The following CCDC102B variants were observed in gnomAD, a reference collection of about 807,000 sequenced individuals.
CCDC102B encodes the protein coiled-coil domain-containing protein 102B.
In CCDC102B, 75 loss-of-function variants were observed where a neutral mutation model predicts 57.4. The observed-to-expected ratio is 1.31, with a 90% CI of 1.08 to 1.58. The LOEUF (loss-of-function observed/expected upper bound fraction) is 1.58. Ranked by LOEUF, CCDC102B falls within the 40% of genes most tolerant of loss-of-function variation. The pLI, the probability that CCDC102B is intolerant of heterozygous loss-of-function variation, is 0.00. For missense variants in CCDC102B, 636 were observed against 582.6 expected (o/e 1.09, Z -0.94); for synonymous variants, 206 against 201.9 (o/e 1.02, Z -0.17).
upstream of CCDC102B, among the ~76,000 whole-genome samples, chr18:68,797,160 C>T (rs1391684639): frequency 6.6e-6 from 1 of 151,926 alleles, no homozygotes; most frequent in African/African-American, 2.4e-5. Flanking sequence ...AGATGGCCAC[C>T]TTTTCCATTG....
chr18:69,028,976 A>C (rs987905466), intron 7 of CCDC102B, among the ~76,000 whole-genome samples: 1 of 152,112 alleles, frequency 6.6e-6, no homozygotes, highest in Non-Finnish European at 1.5e-5. Flanking sequence ...ATATTAGTTT[A>C]TATTTCCTCA....
intron 1 of CCDC102B, among the ~76,000 whole-genome samples, chr18:68,824,959 G>A (rs1382945017): frequency 6.6e-6 from 1 of 152,110 alleles, no homozygotes; most frequent in Non-Finnish European, 1.5e-5. Context: ...GTACCTCTAT[G>A]TTTCTGGTAA....
intron 2 of CCDC102B, among the ~76,000 whole-genome samples, chr18:68,752,077 T>A (rs910185254): frequency 3.9e-5 from 6 of 151,994 alleles, no homozygotes; most frequent in Non-Finnish European, 7.4e-5. Context: ...CTGACCAACA[T>A]GATGAAACCC....
At chr18:68,818,382 T>G (rs1568267441) in intron 1 of CCDC102B, among the ~76,000 whole-genome samples, 1 of 152,238 alleles carries the variant, frequency 6.6e-6, no homozygotes, top group African/African-American at 2.4e-5. Flanking sequence ...TCTGATTAGT[T>G]AAATGTTCAA....
intron 2 of CCDC102B, among the ~76,000 whole-genome samples, chr18:68,764,097 A>G (rs746450572): frequency 5.7e-4 from 87 of 152,204 alleles, no homozygotes; most frequent in Admixed American, 1.0e-3. Flanking sequence ...TAACATTCAA[A>G]AGCCAAGGAT....
chr18:68,816,117 T>C (rs1304656304), intron 1 of CCDC102B, among the ~76,000 whole-genome samples: 1 of 152,198 alleles, frequency 6.6e-6, no homozygotes, highest in Admixed American at 6.5e-5. Flanking sequence ...AATTGATTCT[T>C]GTGATAATAC....
chr18:68,782,597 T>C (rs1190737573), intron 2 of CCDC102B, among the ~76,000 whole-genome samples: 1 of 151,756 alleles, frequency 6.6e-6, no homozygotes, highest in African/African-American at 2.4e-5. Context: ...TCGATCTGGA[T>C]CAGGGGTGCA....
intron 2 of CCDC102B, among the ~76,000 whole-genome samples, chr18:68,721,731 C>A (rs916854343): frequency 6.6e-6 from 1 of 152,134 alleles, no homozygotes; most frequent in Admixed American, 6.5e-5. Context: ...CTGTTGCAAT[C>A]TGGAAATGAT....
chr18:68,747,816 C>G (rs998760801), intron 2 of CCDC102B, among the ~76,000 whole-genome samples: 20 of 152,088 alleles, frequency 1.3e-4, no homozygotes, highest in African/African-American at 4.8e-4. Context: ...AATAATGTTG[C>G]GATGAACATG....
rs149047398 is a variant in CCDC102B at position 68,772,477 on chromosome 18, G to A, written c.-66-50889G>A. On this transcript the variant is annotated intron_variant, in intron 2 of 3. Coordinates refer to the CCDC102B transcript ENST00000578970. Reference sequence around the variant, plus strand: ...TTTTTACTTCTTGACCCAAACTGTCGAGCTTGGCTCTCTTCATAAGATCTA... The same window carrying A: ...TTTTTACTTCTTGACCCAAACTGTCAAGCTTGGCTCTCTTCATAAGATCTA... Among the ~76,000 whole-genome samples, 4 of 152,058 alleles carry A rather than the reference G, an allele frequency of 2.6e-5. No individual in the cohort carries two copies. The East Asian group carries it at 5.8e-4, about 22-fold the overall frequency.
chr18:69,002,061 A>C (rs1248208436), intron 6 of CCDC102B, among the ~76,000 whole-genome samples: 1 of 152,148 alleles, frequency 6.6e-6, no homozygotes, highest in East Asian at 1.9e-4. Flanking sequence ...AACTTTAGCC[A>C]TTTAGACATA....
At chr18:68,720,223 GT>G (rs1333447300) in intron 2 of CCDC102B, among the ~76,000 whole-genome samples, 1 of 152,192 alleles carries the variant, frequency 6.6e-6, no homozygotes, top group East Asian at 1.9e-4. Context: ...ATCCTGAGAT[GT>G]TTTGCTAAAT....
At chr18:68,780,170 C>T (rs2034960153) in intron 2 of CCDC102B, among the ~76,000 whole-genome samples, 2 of 152,024 alleles carry the variant, frequency 1.3e-5, no homozygotes, top group African/African-American at 4.8e-5. Context: ...CTAACTTTCT[C>T]AATGTTTTAG....
chr18:68,760,673 C>A (rs1171251869), intron 2 of CCDC102B, among the ~76,000 whole-genome samples: 1 of 152,002 alleles, frequency 6.6e-6, no homozygotes, highest in Admixed American at 6.6e-5. Context: ...GCTATGGGAA[C>A]CCAAGGACCA....
intron 7 of CCDC102B, among the ~76,000 whole-genome samples, chr18:69,036,849 G>A (rs970410470): frequency 6.6e-6 from 1 of 152,002 alleles, no homozygotes; most frequent in African/African-American, 2.4e-5. Flanking sequence ...ACGATAAACT[G>A]AATCATTCAG....
Position 69,055,046 on chromosome 18 carries a change from C to T in CCDC102B, c.*909C>T, listed in dbSNP as rs2052793160. ...AAAAAGACACTTATAATTTTCCATA[C>T]CTATTTTCAACTGAAGGCAACTTGT... On this transcript the variant is annotated 3_prime_UTR_variant, in exon 8 of 8. Transcript: ENST00000360242. 16 of 982,626 alleles carry T rather than the reference C, an allele frequency of 1.6e-5. No homozygotes were observed. The South Asian group carries it at 6.6e-4, about 41-fold the overall frequency. 60.9% of individuals were successfully genotyped at this position (982,626 alleles called of 1,614,324 possible).
At chr18:68,797,124 G>A (rs143988302), upstream of CCDC102B, among the ~76,000 whole-genome samples, 65 of 152,160 alleles carry the variant, frequency 4.3e-4, 3 homozygotes, top group East Asian at 0.011. Flanking sequence ...AGTTTAGCTC[G>A]ATGGGTCAAT....
At chr18:68,911,438 G>T (rs527952648) in intron 6 of CCDC102B, among the ~76,000 whole-genome samples, 1 of 152,194 alleles carries the variant, frequency 6.6e-6, no homozygotes, top group East Asian at 1.9e-4. Context: ...CTACAGGAGG[G>T]TGGTGGGTGG....
chr18:68,855,171 T>C (rs2038325893), intron 4 of CCDC102B, among the ~76,000 whole-genome samples: 1 of 152,188 alleles, frequency 6.6e-6, no homozygotes, highest in South Asian at 2.1e-4. Context: ...CAAGCCCCAT[T>C]GCAAGATTGA....
Sources: allele counts gnomAD v4.1 joint callset (sites outside exome capture counted in the v4.1 genomes callset), GRCh38; gene constraint gnomAD v4.1.1; transcripts MANE v1.5; gene names NCBI Gene and HGNC (gene_info 2026-07-23, HGNC 2026-07-21).